Variants in SPATA16 observed in about 807,000 individuals in gnomAD.
The protein encoded by SPATA16 is spermatogenesis associated 16, also known as spermatogenesis-associated protein 16.
In SPATA16, 36 loss-of-function variants were observed where a neutral mutation model predicts 63.3. The ratio of observed to expected loss-of-function variants is 0.57; its 90% CI spans 0.44 to 0.75. The LOEUF is 0.75. SPATA16 is among the 30% of genes least tolerant of loss of function. The probability of loss-of-function intolerance (pLI) is 0.00; values close to 1 mark genes in which losing one functional copy is unlikely to be tolerated. For synonymous variants in SPATA16, 203 were observed against 216.7 expected, an observed-to-expected ratio of 0.94 and a Z score of 0.56; for missense variants, 646 against 679.3, an observed-to-expected ratio of 0.95 and a Z score of 0.54.
intron 1 of SPATA16, among the ~76,000 whole-genome samples, chr3:173,121,830 G>C (rs534781086): frequency 2.6e-5 from 4 of 152,046 alleles, no homozygotes; most frequent in African/African-American, 7.2e-5. Flanking sequence ...TTTTAAATTT[G>C]GTCTTGGGTG....
chr3:173,029,990 A>G (rs1296233498), intron 3 of SPATA16, among the ~76,000 whole-genome samples: 1 of 152,036 alleles, frequency 6.6e-6, no homozygotes, highest in Non-Finnish European at 1.5e-5. Flanking sequence ...ATTCATAACA[A>G]TGGGAAAATT....
intron 6 of SPATA16, among the ~76,000 whole-genome samples, chr3:172,938,430 G>A (rs1300323608): frequency 6.6e-6 from 1 of 152,166 alleles, no homozygotes; most frequent in Non-Finnish European, 1.5e-5. Context: ...GGGATAAATA[G>A]ATGGACATTG....
intron 10 of SPATA16, among the ~76,000 whole-genome samples, chr3:172,910,552 A>C (rs1732348073): frequency 6.6e-6 from 1 of 152,076 alleles, no homozygotes; most frequent in African/African-American, 2.4e-5. Flanking sequence ...AATAGATAAC[A>C]TACTAGATTT....
intron 4 of SPATA16, among the ~76,000 whole-genome samples, chr3:172,991,315 G>A (rs967115407): frequency 6.6e-6 from 1 of 152,082 alleles, no homozygotes; most frequent in South Asian, 2.1e-4. Context: ...TCTCTACTAG[G>A]ATTGTAAGCT....
At chr3:172,985,881 A>G (rs1295819996) in intron 4 of SPATA16, among the ~76,000 whole-genome samples, 1 of 152,180 alleles carries the variant, frequency 6.6e-6, no homozygotes, top group Non-Finnish European at 1.5e-5. Context: ...TTTCAGGCAG[A>G]TGAATTTAAA....
At chr3:172,988,659 T>G (rs1199248837) in intron 4 of SPATA16, among the ~76,000 whole-genome samples, 1 of 152,230 alleles carries the variant, frequency 6.6e-6, no homozygotes, top group Non-Finnish European at 1.5e-5. Context: ...TTTAATTTTT[T>G]GGGATGGAGT....
chr3:172,903,077 C>T (rs951867898), intron 10 of SPATA16, among the ~76,000 whole-genome samples: 9 of 152,052 alleles, frequency 5.9e-5, no homozygotes, highest in Non-Finnish European at 1.2e-4. Flanking sequence ...ATTTAGCTAC[C>T]AAGTGGTATA....
At chr3:172,976,217 A>G (rs1734155808) in intron 5 of SPATA16, among the ~76,000 whole-genome samples, 1 of 152,124 alleles carries the variant, frequency 6.6e-6, no homozygotes, top group Admixed American at 6.6e-5. Flanking sequence ...TGGAAGTTTT[A>G]AGGGAGTAGA....
chr3:173,075,688 C>T (rs147361295), intron 2 of SPATA16, among the ~76,000 whole-genome samples: 1 of 152,054 alleles, frequency 6.6e-6, no homozygotes, highest in Non-Finnish European at 1.5e-5. Flanking sequence ...ACAAATATCA[C>T]AGGTCCTCAC....
intron 2 of SPATA16, among the ~76,000 whole-genome samples, chr3:173,107,508 C>T (rs561131619): frequency 4.0e-5 from 6 of 149,624 alleles, no homozygotes; most frequent in Non-Finnish European, 7.4e-5. Context: ...CTGATAGAAA[C>T]AGAATCATCT....
chr3:172,922,851 G>C lies in SPATA16; in HGVS notation c.1338+1357C>G, dbSNP rs528133930. Among the ~76,000 whole-genome samples the C allele has an allele frequency of 2.0e-5, 3 of 152,314 alleles. No individual in the cohort carries two copies. In the South Asian group the frequency reaches 6.2e-4, roughly 32 times the overall value. ...GCAGGAGAATCATTTGAACCCTGGA[G>C]GTGGAGGTTGCAATGAGCCAAGACC... is the stretch of plus-strand genomic sequence containing the variant. On this transcript the variant is annotated intron_variant, in intron 8 of 10. Transcript: ENST00000351008.
chr3:173,003,701 G>A (rs535364010), intron 4 of SPATA16, among the ~76,000 whole-genome samples: 4 of 152,270 alleles, frequency 2.6e-5, no homozygotes, highest in African/African-American at 9.6e-5. Context: ...TCATACCAGT[G>A]TTTCACTCAA....
chr3:173,027,216 A>G (rs1735472233), intron 3 of SPATA16, among the ~76,000 whole-genome samples: 1 of 151,806 alleles, frequency 6.6e-6, no homozygotes, highest in African/African-American at 2.4e-5. Context: ...CTTATTGTTC[A>G]TTGCTAATTT....
chr3:172,905,663 C>T (rs192464879), intron 10 of SPATA16, among the ~76,000 whole-genome samples: 6 of 139,100 alleles, frequency 4.3e-5, no homozygotes, highest in African/African-American at 1.4e-4. Context: ...ATGCCATTTC[C>T]GTAGGATCAC....
chr3:173,071,447 A>G lies in SPATA16; in HGVS notation c.613-22353T>C, dbSNP rs369069467. ...AAAAACACAGGTAACCAAAGGAAAAATGGGCAAATGGGATCACATCAAGCT... is the reference window on the plus strand; with the variant it reads ...AAAAACACAGGTAACCAAAGGAAAAGTGGGCAAATGGGATCACATCAAGCT... On this transcript the variant is annotated intron_variant, in intron 2 of 10. Transcript: ENST00000351008. Among the ~76,000 whole-genome samples the G allele has an allele frequency of 9.2e-5, 14 of 152,306 alleles. 1 individual carries two copies. The highest frequency in any genetic ancestry group is 2.6e-4 in the Admixed American group (4 of 15,302).
At chr3:173,076,398 T>C (rs1290984160) in intron 2 of SPATA16, among the ~76,000 whole-genome samples, 1 of 92,392 alleles carries the variant, frequency 1.1e-5, no homozygotes, top group Non-Finnish European at 2.2e-5. Context: ...AGTATAAAAT[T>C]TTTTTTTTTT....
intron 8 of SPATA16, among the ~76,000 whole-genome samples, chr3:172,919,000 G>C (rs1189634567): frequency 6.6e-6 from 1 of 152,118 alleles, no homozygotes; most frequent in Non-Finnish European, 1.5e-5. Context: ...GCAAAAAAGG[G>C]GTAGGAAACA....
intron 4 of SPATA16, among the ~76,000 whole-genome samples, chr3:173,014,171 T>C (rs1483632615): frequency 6.6e-6 from 1 of 152,174 alleles, no homozygotes; most frequent in Non-Finnish European, 1.5e-5. Context: ...AGTAAAGACA[T>C]GGACTTAACC....
chr3:173,135,416 C>T (rs970036482), intron 1 of SPATA16, among the ~76,000 whole-genome samples: 22 of 152,296 alleles, frequency 1.4e-4, no homozygotes, highest in African/African-American at 3.6e-4. Flanking sequence ...CTGCTTCCTC[C>T]TATATCCTGT....
Sources: allele counts gnomAD v4.1 joint callset (sites outside exome capture counted in the v4.1 genomes callset), GRCh38; gene constraint gnomAD v4.1.1; transcripts MANE v1.5; gene names NCBI Gene and HGNC (gene_info 2026-07-23, HGNC 2026-07-21).